The following DESI1 variants were observed in gnomAD, a reference collection of about 807,000 sequenced individuals.
The protein encoded by DESI1 is desumoylating isopeptidase 1.
In DESI1, 17 loss-of-function variants were observed where a neutral mutation model predicts 22.4. The ratio of observed to expected loss-of-function variants is 0.76; its 90% CI spans 0.52 to 1.14. DESI1 has a LOEUF of 1.14. DESI1 is among the 50% of genes most tolerant of loss of function. The probability of loss-of-function intolerance (pLI) is 0.00; values close to 1 mark genes in which losing one functional copy is unlikely to be tolerated. For synonymous variants in DESI1, 92 were observed against 84.2 expected (o/e 1.09, Z -0.51); for missense variants, 177 against 208.9 (o/e 0.85, Z 0.94).
intron 1 of DESI1, among the ~76,000 whole-genome samples, chr22:41,616,462 T>C (rs955499299): frequency 6.6e-6 from 1 of 151,872 alleles, no homozygotes; most frequent in African/African-American, 2.4e-5. Flanking sequence ...ACGTGATGCA[T>C]GTACACGAAA....
At chr22:41,610,080 T>TAA (rs71184819) in intron 1 of DESI1, among the ~76,000 whole-genome samples, 1 of 115,608 alleles carries the variant, frequency 8.6e-6, no homozygotes, top group African/African-American at 3.4e-5. Flanking sequence ...AACTCTATCT[T>TAA]AAAAAAAAAA....
At chr22:41,603,779 G>A (rs1016884254) in intron 4 of DESI1, among the ~76,000 whole-genome samples, 1 of 152,166 alleles carries the variant, frequency 6.6e-6, no homozygotes, top group Admixed American at 6.5e-5. Context: ...TGAGAACAGC[G>A]CTTGCCGATT....
At position 41,598,053 on chromosome 22, in the gene DESI1, G is replaced by A. The variant is rs978796418; in HGVS notation, c.*3044C>T. The A allele has an allele frequency of 5.3e-5, 8 of 152,142 alleles. No homozygotes were observed. The highest frequency in any genetic ancestry group is 8.8e-5 in the Non-Finnish European group (6 of 68,052). 9.4% of individuals were successfully genotyped at this position (152,142 alleles called of 1,614,324 possible). Reference sequence around the variant, plus strand: ...TGCAGCAGGCAGAAATGAGTTTATTGCATTAGAAAAAACACCGAAGAAAAC... The same window carrying A: ...TGCAGCAGGCAGAAATGAGTTTATTACATTAGAAAAAACACCGAAGAAAAC... On this transcript the variant is annotated 3_prime_UTR_variant, in exon 6 of 6. Coordinates refer to ENST00000263256, the MANE Select transcript of DESI1 (RefSeq NM_015704.3).
chr22:41,604,263 T>C (rs1017730146), intron 3 of DESI1, 110 bp from the exon 4 acceptor site: 30 of 931,204 alleles, frequency 3.2e-5, no homozygotes, highest in Middle Eastern at 2.3e-4. Flanking sequence ...TTTTTTTTTT[T>C]TTTTTTTTTT....
intron 1 of DESI1, among the ~76,000 whole-genome samples, chr22:41,619,050 C>CGAGA (rs2067566514): frequency 6.6e-6 from 1 of 150,448 alleles, no homozygotes; most frequent in Non-Finnish European, 1.5e-5. Context: ...GGTGACAGAG[C>CGAGA]GAGACTCCGT....
intron 1 of DESI1, among the ~76,000 whole-genome samples, chr22:41,616,135 T>C (rs2067549293): frequency 6.6e-6 from 1 of 151,998 alleles, no homozygotes; most frequent in African/African-American, 2.4e-5. Flanking sequence ...CCCAGCTCCT[T>C]GGGAGGCTGA....
intron 5 of DESI1, 83 bp downstream of exon 5, chr22:41,603,176 G>T: frequency 6.3e-7 from 1 of 1,597,988 alleles, no homozygotes; most frequent in South Asian, 1.1e-5. Flanking sequence ...GAGGGCAGAT[G>T]GGGGCCAGAG....
At chr22:41,605,515 G>A (rs2067474001) in intron 3 of DESI1, among the ~76,000 whole-genome samples, 1 of 152,162 alleles carries the variant, frequency 6.6e-6, no homozygotes, top group Non-Finnish European at 1.5e-5. Flanking sequence ...ATTGTTCTGG[G>A]CACTGAGGAA....
chr22:41,612,120 C>T (rs1249823900), intron 1 of DESI1, among the ~76,000 whole-genome samples: 1 of 152,000 alleles, frequency 6.6e-6, no homozygotes, highest in Non-Finnish European at 1.5e-5. Context: ...CTTCATGACA[C>T]TTACTAGGTG....
chr22:41,611,585 T>C (rs1182294773), intron 1 of DESI1, among the ~76,000 whole-genome samples: 1 of 133,562 alleles, frequency 7.5e-6, no homozygotes, highest in Non-Finnish European at 1.6e-5. Flanking sequence ...CTCTTACCTG[T>C]TCCTTCTTTT....
intron 3 of DESI1, among the ~76,000 whole-genome samples, chr22:41,606,773 CAAAAAAAAAAAAA>C (rs67262006): frequency 1.6e-5 from 1 of 62,728 alleles, no homozygotes; most frequent in Non-Finnish European, 2.6e-5. Context: ...GACTCCATCT[CAAAAAAAAAAAAA>C]AAAAAAAAAA....
intron 1 of DESI1, among the ~76,000 whole-genome samples, chr22:41,613,041 G>C (rs1002875061): frequency 6.6e-6 from 1 of 152,168 alleles, no homozygotes; most frequent in African/African-American, 2.4e-5. Flanking sequence ...CAGAGGCTGA[G>C]AACACTAAGC....
At chr22:41,613,432 T>C (rs1198287991) in intron 1 of DESI1, among the ~76,000 whole-genome samples, 1 of 152,250 alleles carries the variant, frequency 6.6e-6, no homozygotes, top group Non-Finnish European at 1.5e-5. Flanking sequence ...GTTGTTCTCA[T>C]AGTACCCTGG....
chr22:41,611,567 C>T (rs1486002224), intron 1 of DESI1, among the ~76,000 whole-genome samples: 1 of 150,214 alleles, frequency 6.7e-6, no homozygotes, highest in African/African-American at 2.5e-5. Flanking sequence ...ATTAAGGATA[C>T]CTGCTTTCTC....
At position 41,600,708 on chromosome 22, in the gene DESI1, C is replaced by T; in HGVS notation, c.*389G>A. ...TGTTCTAAAACTCACCTGGGTCCCA[C>T]AGGTGTTGGCAACTTGGGTAGAGCG... On this transcript the variant is annotated 3_prime_UTR_variant, in exon 6 of 6. Coordinates refer to ENST00000263256, the MANE Select transcript of DESI1 (RefSeq NM_015704.3). 1 of 189,802 alleles carries T rather than the reference C, an allele frequency of 5.3e-6. No individual in the cohort carries two copies. 11.8% of individuals were successfully genotyped at this position (189,802 alleles called of 1,614,324 possible). A position where few individuals can be genotyped will look rare whatever the true frequency, so the allele number is the denominator to read the frequency against.
At chr22:41,602,367 C>A (rs1399831012) in intron 5 of DESI1, 6 of 985,468 alleles carry the variant, frequency 6.1e-6, no homozygotes, top group Non-Finnish European at 7.2e-6. Flanking sequence ...TGTGGGACTG[C>A]AAACTCATCG....
At chr22:41,607,448 TATAAAACCAACAAA>T in intron 2 of DESI1, 117 bp from the exon 3 acceptor site, 1 of 971,150 alleles carries the variant, frequency 1.0e-6, no homozygotes, top group Non-Finnish European at 1.5e-6. Flanking sequence ...GGACCAGTCT[TATAAAACCAACAAA>T]CCAAAGGTAT....
Position 41,620,952 on chromosome 22 carries a change from GGCC to G in DESI1, c.-116_-114del. On this transcript the variant is annotated 5_prime_UTR_variant, in exon 1 of 6. Transcript: ENST00000263256. The stretch of plus-strand genomic sequence containing the variant: ...GAGGGAGAGGGGGGGACCGAGCCCG[GGCC>G]CGGGCTGAGGGGTGGGGGAGAGGCC... 1 of 1,222,180 alleles carries G rather than the reference GGCC, an allele frequency of 8.2e-7. No individual in the cohort carries two copies. The highest frequency in any genetic ancestry group is 1.1e-6 in the Non-Finnish European group (1 of 878,172). The allele number at this position is 1,222,180 out of a possible 1,614,324, so 75.7% of individuals were successfully genotyped here. A position where few individuals can be genotyped will look rare whatever the true frequency, so the allele number is the denominator to read the frequency against.
Position 41,607,865 on chromosome 22 carries a change from T to C in DESI1, c.89-4A>G, listed in dbSNP as rs1185874119. The C allele has an allele frequency of 6.2e-7, 1 of 1,614,188 alleles. No individual in the cohort carries two copies. The highest frequency in any genetic ancestry group is 8.5e-7 in the Non-Finnish European group (1 of 1,180,028). ...CAGATGCCTTCCAGTTGTTTCCCTG[T>C]GGAGAGAAGAAGAGATTTAGCCACT... On this transcript the variant is annotated splice_polypyrimidine_tract_variant and splice_region_variant and intron_variant, in intron 1 of 5. Coordinates refer to ENST00000263256, the MANE Select transcript of DESI1 (RefSeq NM_015704.3).
Sources: allele counts gnomAD v4.1 joint callset (sites outside exome capture counted in the v4.1 genomes callset), GRCh38; gene constraint gnomAD v4.1.1; transcripts MANE v1.5; gene names NCBI Gene and HGNC (gene_info 2026-07-23, HGNC 2026-07-21).